PARD3B: variants seen among roughly 807,000 people sequenced by gnomAD.
PARD3B encodes partitioning defective 3 homolog B.
In PARD3B, 103 loss-of-function variants were observed where a neutral mutation model predicts 130.2. The observed-to-expected ratio is 0.79, with a 90% CI of 0.67 to 0.93. PARD3B has a LOEUF of 0.93. Ranked by LOEUF, PARD3B falls within the 40% of genes least tolerant of loss-of-function variation. The pLI is 0.00. For missense variants in PARD3B, 1,609 were observed against 1,499.2 expected (o/e 1.07, Z -1.21); for synonymous variants, 583 against 553.2 (o/e 1.05, Z -0.76).
chr2:205,021,367 G>A lies in PARD3B; in HGVS notation c.395-26214G>A, dbSNP rs931846423. ...GATAAAGTTTATTGTACATGGTAAG[G>A]AAATTATGTATTGTAGATTTTCCTG... On this transcript the variant is annotated intron_variant, in intron 3 of 22. Coordinates refer to ENST00000406610, the MANE Select transcript of PARD3B (RefSeq NM_001302769.2). This position sits in a 1 kb window ranked among gnomAD's most constrained non-coding sequence, Gnocchi z 4.5. Among the ~76,000 whole-genome samples, 9 of 152,088 alleles carry A rather than the reference G, an allele frequency of 5.9e-5. No homozygotes were observed. Among genetic ancestry groups the A allele is most frequent in the African/African-American group, 2.2e-4 (9 of 41,436 alleles).
intron 2 of PARD3B, among the ~76,000 whole-genome samples, chr2:204,936,860 G>A (rs1254226210): frequency 1.3e-5 from 2 of 152,320 alleles, no homozygotes; most frequent in Non-Finnish European, 1.5e-5. Context: ...GCAGCAACTG[G>A]TGTAAAAACA....
In PARD3B at chr2:205,287,677, T is replaced by C. The variant is rs1337095279; in HGVS notation, c.2186-12853T>C. 6.6e-6 allele frequency among the ~76,000 whole-genome samples: 1 copy of C among 152,034 alleles called. No homozygotes were observed. The highest frequency in any genetic ancestry group is 1.5e-5 in the Non-Finnish European group (1 of 67,996). ...TGCTCATTTTAGATAGAATAATGGG[T>C]GCCGGCTAGGAAAAAGAATGGATGT... On this transcript the variant is annotated intron_variant, in intron 16 of 22. Coordinates refer to ENST00000406610, the MANE Select transcript of PARD3B (RefSeq NM_001302769.2). The surrounding 1 kb of genome is among the most constrained non-coding windows in gnomAD (Gnocchi z 4.8).
rs552048361 is a variant in PARD3B at position 204,734,735 on chromosome 2, T to C, written c.222+48453T>C. Among the ~76,000 whole-genome samples the C allele has an allele frequency of 4.6e-5, 7 of 152,230 alleles. No homozygotes were observed. In the South Asian group the frequency reaches 1.4e-3, roughly 32 times the overall value. On this transcript the variant is annotated intron_variant, in intron 2 of 22. Transcript: ENST00000406610. ...TGATACAAATTAGATCAGTGGTTCC[T>C]AGGGGTGAAGTGAGGAAATTAACTG...
chr2:204,594,261 T>C (rs542137346), intron 1 of PARD3B, among the ~76,000 whole-genome samples: 1 of 152,286 alleles, frequency 6.6e-6, no homozygotes, highest in South Asian at 2.1e-4. Context: ...TGCATTTCAG[T>C]AAATATAACA....
intron 20 of PARD3B, among the ~76,000 whole-genome samples, chr2:205,481,932 G>A (rs1371879261): frequency 6.6e-6 from 1 of 152,208 alleles, no homozygotes; most frequent in African/African-American, 2.4e-5. Context: ...GACAAGTTGA[G>A]TGTAAGACAT....
At chr2:204,872,708 C>G (rs2045675849) in intron 2 of PARD3B, among the ~76,000 whole-genome samples, 1 of 152,156 alleles carries the variant, frequency 6.6e-6, no homozygotes, top group Non-Finnish European at 1.5e-5. Context: ...AACTTTAGCT[C>G]TATGCTGTTC....
chr2:204,889,963 T>A (rs1240694528), intron 2 of PARD3B, among the ~76,000 whole-genome samples: 1 of 152,256 alleles, frequency 6.6e-6, no homozygotes, highest in African/African-American at 2.4e-5. Flanking sequence ...TTGCTGATTC[T>A]AAATCCATCT....
At chr2:205,200,998 G>A (rs2036958294) in intron 15 of PARD3B, among the ~76,000 whole-genome samples, 1 of 152,158 alleles carries the variant, frequency 6.6e-6, no homozygotes, top group South Asian at 2.1e-4. Flanking sequence ...GGAGAAAACA[G>A]CTCCACTTTA....
At chr2:204,574,248 C>A (rs1485759282) in intron 1 of PARD3B, among the ~76,000 whole-genome samples, 2 of 152,182 alleles carry the variant, frequency 1.3e-5, no homozygotes, top group African/African-American at 4.8e-5. Context: ...AATTTCCTAA[C>A]TTTATTATCA....
intron 2 of PARD3B, among the ~76,000 whole-genome samples, chr2:204,867,502 A>C (rs1575169047): frequency 6.6e-6 from 1 of 152,208 alleles, no homozygotes; most frequent in Non-Finnish European, 1.5e-5. Flanking sequence ...GCACCATTAC[A>C]ACATGCTTAA....
chr2:205,305,243 C>T (rs1406007441), intron 18 of PARD3B, among the ~76,000 whole-genome samples: 2 of 152,088 alleles, frequency 1.3e-5, no homozygotes, highest in African/African-American at 4.8e-5. Flanking sequence ...TGGGAATCTC[C>T]TATATTTTGG....
chr2:205,508,877 G>A (rs1467773476), intron 21 of PARD3B, among the ~76,000 whole-genome samples: 1 of 152,070 alleles, frequency 6.6e-6, no homozygotes, highest in East Asian at 1.9e-4. Flanking sequence ...CACTGGAAGA[G>A]TTGAGATTTT....
intron 19 of PARD3B, among the ~76,000 whole-genome samples, chr2:205,429,426 A>G (rs919478260): frequency 2.0e-5 from 3 of 152,232 alleles, no homozygotes; most frequent in Non-Finnish European, 2.9e-5. Flanking sequence ...ATACATTTTT[A>G]AAATGGCCTT....
At chr2:204,839,106 A>G (rs182084180) in intron 2 of PARD3B, among the ~76,000 whole-genome samples, 1 of 152,260 alleles carries the variant, frequency 6.6e-6, no homozygotes, top group East Asian at 1.9e-4. Context: ...TGATTTTAAG[A>G]AGGGAGTTGT....
At chr2:204,990,721 A>G (rs776880465) in intron 3 of PARD3B, among the ~76,000 whole-genome samples, 11 of 152,122 alleles carry the variant, frequency 7.2e-5, no homozygotes, top group Non-Finnish European at 1.0e-4. Flanking sequence ...ATGACCAGGA[A>G]TTGTTGATTT....
chr2:204,961,269 A>G (rs567682253), intron 2 of PARD3B, among the ~76,000 whole-genome samples: 8 of 152,222 alleles, frequency 5.3e-5, no homozygotes, highest in African/African-American at 1.9e-4. Context: ...AAACAAGGGA[A>G]CTAGTCAGGG....
chr2:205,149,486 T>A (rs1219911340), intron 10 of PARD3B, among the ~76,000 whole-genome samples: 1 of 152,218 alleles, frequency 6.6e-6, no homozygotes, highest in Non-Finnish European at 1.5e-5. Flanking sequence ...TCATACTTCC[T>A]CTGGAAAATT....
Position 205,176,007 on chromosome 2 carries a change from G to A in PARD3B, c.1792-438G>A, listed in dbSNP as rs1246367148. Among the ~76,000 whole-genome samples the A allele has an allele frequency of 6.6e-6, 1 of 152,162 alleles. No homozygotes were observed. The highest frequency in any genetic ancestry group is 1.5e-5 in the Non-Finnish European group (1 of 68,036). ...GACACACTGGTGGTATTTCAGAGGC[G>A]AACCTGCTTGAATTCTGACTTGTCC... On this transcript the variant is annotated intron_variant, in intron 12 of 22. Coordinates refer to ENST00000406610, the MANE Select transcript of PARD3B (RefSeq NM_001302769.2). This position sits in a 1 kb window ranked among gnomAD's most constrained non-coding sequence, Gnocchi z 5.3.
rs2046444409 is a variant in PARD3B at position 205,407,284 on chromosome 2, A to G, written c.2741+6161A>G. Among the ~76,000 whole-genome samples the G allele has an allele frequency of 6.6e-6, 1 of 152,214 alleles. No homozygotes were observed. The highest frequency in any genetic ancestry group is 6.5e-5 in the Admixed American group (1 of 15,278). ...ACAGTCTATTGCAATGAAGCCCTGC[A>G]TTAAATAAACTCATCATTTTGTTCA... On this transcript the variant is annotated intron_variant, in intron 19 of 22. Coordinates refer to ENST00000406610, the MANE Select transcript of PARD3B (RefSeq NM_001302769.2). This position sits in a 1 kb window ranked among gnomAD's most constrained non-coding sequence, Gnocchi z 4.1.
Sources: gnomAD v4.1 joint callset for allele counts (sites outside exome capture counted in the v4.1 genomes callset) on GRCh38, gnomAD v4.1.1 for gene constraint, Gnocchi (gnomAD v3.1) non-coding constraint, MANE v1.5 for transcripts, NCBI Gene and HGNC (gene_info 2026-07-23, HGNC 2026-07-21) for gene names.